The following UNC79 variants were observed in gnomAD, a reference collection of about 807,000 sequenced individuals.
UNC79 encodes the protein protein unc-79 homolog.
A neutral mutation model predicts 283.1 loss-of-function variants in UNC79; 37 were observed. The observed-to-expected ratio is 0.13, with a 90% confidence interval of 0.10 to 0.17. UNC79 has a LOEUF of 0.17. Ranked by LOEUF, UNC79 falls within the 10% of genes least tolerant of loss-of-function variation. The pLI, the probability that UNC79 is intolerant of heterozygous loss-of-function variation, is 1.00. For synonymous variants in UNC79, 1,107 were observed against 1,200.2 expected (o/e 0.92, Z 1.61); for missense variants, 2,272 against 3,211.1 (o/e 0.71, Z 7.07).
At position 93,621,012 on chromosome 14, in the gene UNC79, A is replaced by G. The variant is rs192963561; in HGVS notation, c.4388-609A>G. 4.9e-4 allele frequency: 253 copies of G among 518,214 alleles called. 4 individuals carry two copies. The highest frequency in any genetic ancestry group is 1.8e-3 in the East Asian group (33 of 18,350). 32.1% of individuals were successfully genotyped at this position (518,214 alleles called of 1,614,324 possible). A position where few individuals can be genotyped will look rare whatever the true frequency, so the allele number is the denominator to read the frequency against. On this transcript the variant is annotated intron_variant, in intron 29 of 48. Coordinates refer to ENST00000555664, the Ensembl canonical transcript of UNC79. The surrounding 1 kb of genome is among the most constrained non-coding windows in gnomAD (Gnocchi z 4.8). ...ATAGGCGGCAGCAAAATGGTGAAAT[A>G]TCAGCCGGTTGAGATGAATGTTCAG...
chr14:93,670,696 C>G (rs2072753183), intron 40 of UNC79, among the ~76,000 whole-genome samples: 1 of 152,174 alleles, frequency 6.6e-6, no homozygotes, highest in African/African-American at 2.4e-5. Context: ...GGTGATCAAT[C>G]CAGCCATCAA....
At chr14:93,350,687 A>G (rs1004854161) in intron 1 of UNC79, among the ~76,000 whole-genome samples, 1 of 152,152 alleles carries the variant, frequency 6.6e-6, no homozygotes, top group Non-Finnish European at 1.5e-5. Context: ...TAATTATATA[A>G]CCAATTTCTT....
At chr14:93,431,355 G>T (rs1373841364) in intron 1 of UNC79, among the ~76,000 whole-genome samples, 1 of 151,804 alleles carries the variant, frequency 6.6e-6, no homozygotes, top group Non-Finnish European at 1.5e-5. Context: ...AAGAGGCCTC[G>T]TATCTTTCAG....
At chr14:93,668,094 T>G (rs750084074) in intron 40 of UNC79, among the ~76,000 whole-genome samples, 1 of 152,146 alleles carries the variant, frequency 6.6e-6, no homozygotes, top group Non-Finnish European at 1.5e-5. Context: ...AAATCATAAA[T>G]AAGATGAGAA....
intron 22 of UNC79, among the ~76,000 whole-genome samples, 162 bp from the exon 23 acceptor site, chr14:93,593,518 A>C (rs1280756223): frequency 2.0e-5 from 3 of 152,200 alleles, no homozygotes; most frequent in Admixed American, 1.3e-4. Flanking sequence ...AGCATAGGAA[A>C]CGTCTGTCAG....
intron 28 of UNC79, 87 bp from the exon 30 acceptor site, chr14:93,618,105 C>A: frequency 7.0e-7 from 1 of 1,422,376 alleles, no homozygotes; most frequent in Non-Finnish European, 9.5e-7. Context: ...CCAAGAGATA[C>A]TGCAAAAAGT....
chr14:93,495,362 A>G (rs2058969466), intron 5 of UNC79, among the ~76,000 whole-genome samples: 2 of 152,214 alleles, frequency 1.3e-5, no homozygotes, highest in Non-Finnish European at 2.9e-5. Flanking sequence ...TGAAACCATC[A>G]GATCTCGGGA....
At chr14:93,381,557 G>T (rs996727512) in intron 1 of UNC79, among the ~76,000 whole-genome samples, 1 of 152,220 alleles carries the variant, frequency 6.6e-6, no homozygotes, top group Non-Finnish European at 1.5e-5. Context: ...CTACTGGTAG[G>T]CCAGATGAGG....
chr14:93,347,919 G>A, intron 1 of UNC79: 1 of 649,796 alleles, frequency 1.5e-6, no homozygotes. Flanking sequence ...CCTGTTTCTA[G>A]GACAACGGTC....
chr14:93,632,475 G>C (rs1446257434), intron 31 of UNC79, among the ~76,000 whole-genome samples: 3 of 152,180 alleles, frequency 2.0e-5, no homozygotes, highest in Non-Finnish European at 2.9e-5. Context: ...GAGGCAGGAG[G>C]ATCACTTGAG....
intron 46 of UNC79, among the ~76,000 whole-genome samples, chr14:93,692,983 C>A (rs1403998265): frequency 1.3e-5 from 2 of 152,154 alleles, no homozygotes; most frequent in Admixed American, 1.3e-4. Flanking sequence ...TACCCTGAAA[C>A]CCAACACTAC....
At chr14:93,359,810 G>T (rs2139938129) in intron 1 of UNC79, among the ~76,000 whole-genome samples, 1 of 152,280 alleles carries the variant, frequency 6.6e-6, no homozygotes, top group East Asian at 1.9e-4. Flanking sequence ...ATGAAGGGGA[G>T]GCCGGGTCTC....
chr14:93,347,437 G>T, intron 1 of UNC79: 1 of 1,417,708 alleles, frequency 7.1e-7, no homozygotes, highest in East Asian at 2.8e-5. Flanking sequence ...GAAGCGCGTG[G>T]CCCTGGCGGG....
chr14:93,541,296 C>T lies in UNC79; in HGVS notation c.1524+465C>T, dbSNP rs117047484. Among the ~76,000 whole-genome samples, 354 of 152,260 alleles carry T rather than the reference C, an allele frequency of 2.3e-3. 1 individual carries two copies. Among genetic ancestry groups the T allele is most frequent in the Non-Finnish European group, 3.3e-3 (222 of 68,026 alleles). Reference sequence around the variant, plus strand: ...ATGATATGTCTATGTACACCAGAGACGTTATAGCCAAAGTAATGCAAGGAA... The same window carrying T: ...ATGATATGTCTATGTACACCAGAGATGTTATAGCCAAAGTAATGCAAGGAA... On this transcript the variant is annotated intron_variant, in intron 13 of 48. Coordinates refer to ENST00000555664, the Ensembl canonical transcript of UNC79.
chr14:93,521,364 G>C (rs1276649042), intron 7 of UNC79, among the ~76,000 whole-genome samples: 1 of 151,898 alleles, frequency 6.6e-6, no homozygotes, highest in Non-Finnish European at 1.5e-5. Context: ...AGACTCAAAA[G>C]GACTCCTATT....
intron 1 of UNC79, among the ~76,000 whole-genome samples, chr14:93,451,024 A>C (rs1337581389): frequency 6.6e-6 from 1 of 152,096 alleles, no homozygotes; most frequent in Non-Finnish European, 1.5e-5. Flanking sequence ...TTTATCTACA[A>C]AAACTTTTTT....
chr14:93,342,409 AG>A (rs1371307111), intron 1 of UNC79, among the ~76,000 whole-genome samples: 4 of 152,174 alleles, frequency 2.6e-5, no homozygotes, highest in Admixed American at 2.0e-4. Context: ...GGCTGCACAG[AG>A]AAACAGGGTC....
intron 22 of UNC79, among the ~76,000 whole-genome samples, chr14:93,592,275 C>T (rs540758283): frequency 6.7e-5 from 10 of 150,268 alleles, no homozygotes; most frequent in East Asian, 4.0e-4. Flanking sequence ...CCCGGGTTCA[C>T]GCCATTCTCC....
At chr14:93,344,703 C>G (rs1188646054) in intron 1 of UNC79, among the ~76,000 whole-genome samples, 1 of 152,210 alleles carries the variant, frequency 6.6e-6, no homozygotes, top group Non-Finnish European at 1.5e-5. Context: ...TCATTTCTTA[C>G]AGGACTCGTG....
Sources: allele counts gnomAD v4.1 joint callset (sites outside exome capture counted in the v4.1 genomes callset), GRCh38; gene constraint gnomAD v4.1.1; non-coding constraint Gnocchi (gnomAD v3.1); transcripts MANE v1.5; gene names NCBI Gene and HGNC (gene_info 2026-07-23, HGNC 2026-07-21).